Variants in KCP observed in about 807,000 individuals in gnomAD.
The protein encoded by KCP is kielin/chordin-like protein.
Under a neutral mutation model 212.7 loss-of-function variants are expected in KCP, and 194 were observed. That is an observed-to-expected ratio of 0.91 (90% CI 0.81 to 1.03). The LOEUF (loss-of-function observed/expected upper bound fraction) is 1.03. Ranked by LOEUF, KCP falls within the 50% of genes least tolerant of loss-of-function variation. KCP has a pLI of 0.00. For synonymous variants in KCP, 833 were observed against 865.3 expected (o/e 0.96, Z 0.65); for missense variants, 2,080 against 2,162.5 (o/e 0.96, Z 0.76).
intron 1 of KCP, 93 bp from the exon 2 acceptor site, chr7:128,908,661 G>T: frequency 2.9e-6 from 4 of 1,373,288 alleles, no homozygotes; most frequent in Non-Finnish European, 3.9e-6. Flanking sequence ...CAGGGGAAGG[G>T]GGTCATCCTG....
chr7:128,878,540 G>C lies in KCP; in HGVS notation c.4311+18C>G. 6.5e-7 allele frequency: 1 copy of C among 1,546,926 alleles called. No homozygotes were observed. The highest frequency in any genetic ancestry group is 8.7e-7 in the Non-Finnish European group (1 of 1,144,120). ...TGCGTCTCCCCTAATCCCCATCCCC[G>C]GTTCCTGTACCACTCACCTGCCAGC... On this transcript the variant is annotated intron_variant, in intron 38 of 39. Coordinates refer to ENST00000610776, the MANE Select transcript of KCP (RefSeq NM_001366122.1).
intron 29 of KCP, among the ~76,000 whole-genome samples, chr7:128,883,677 C>A (rs1042881870): frequency 6.6e-6 from 1 of 152,164 alleles, no homozygotes; most frequent in African/African-American, 2.4e-5. Flanking sequence ...ACTCTAACAA[C>A]GACAACAAAA....
intron 8 of KCP, among the ~76,000 whole-genome samples, chr7:128,898,199 G>A (rs776768768): frequency 6.6e-6 from 1 of 152,126 alleles, no homozygotes; most frequent in African/African-American, 2.4e-5. Context: ...GGAAGTATAG[G>A]CATGCACCAG....
In KCP at chr7:128,887,226, A is replaced by G; in HGVS notation, c.2587T>C (p.Cys863Arg). The G allele has an allele frequency of 6.4e-7, 1 of 1,551,474 alleles. No individual in the cohort carries two copies. The highest frequency in any genetic ancestry group is 8.7e-7 in the Non-Finnish European group (1 of 1,146,812). The change falls in exon 23 of 40, where the codon TGC becomes CGC. Residue 863 changes from cysteine (C) to arginine (R), a missense_variant. Cys to Arg is a radical substitution (Grantham distance 180). Transcript: ENST00000610776. ...AGGGGCTGCCTCACCTGGCAGGTGC[A>G]GAGGGAGCAGGTAGGGTCAAGTGGG... ...PDPLDPTCSLCTCQEGSMRCQ... is the reference protein window; with the variant it reads ...PDPLDPTCSLRTCQEGSMRCQ...
At chr7:128,904,253 C>A in intron 5 of KCP, 115 bp from the exon 6 acceptor site, 1 of 1,540,786 alleles carries the variant, frequency 6.5e-7, no homozygotes, top group Non-Finnish European at 8.8e-7. Flanking sequence ...GAAGGGATGG[C>A]GGGGCAGGGC....
rs1251840830 is a variant in KCP, at chr7:128,908,542, C to T, written c.103G>A (p.Gly35Arg). 15 of 1,551,300 alleles carry T rather than the reference C, an allele frequency of 9.7e-6. No homozygotes were observed. Among genetic ancestry groups the T allele is most frequent in the Admixed American group, 3.9e-5 (2 of 50,986 alleles). ...GAGGAATGGGCAGTTGTCTGCTGCC[C>T]AGGGGGCTCCCTGGGGACAGCCCCA... is the stretch of plus-strand genomic sequence containing the variant. ...EGGAVPREPP[G>R]QQTTAHSSVL... The change falls in exon 2 of 40, where the codon GGG becomes AGG. Residue 35 changes from glycine (G) to arginine (R), a missense_variant. Coordinates refer to ENST00000610776, the MANE Select transcript of KCP (RefSeq NM_001366122.1).
chr7:128,894,421 A>C, intron 8 of KCP, 128 bp from the exon 9 acceptor site: 1 of 684,666 alleles, frequency 1.5e-6, no homozygotes, highest in Non-Finnish European at 2.4e-6. Context: ...CCGCCCCCAA[A>C]TCCATATGTT....
chr7:128,895,988 T>A (rs11972677), intron 8 of KCP, among the ~76,000 whole-genome samples: 15,434 of 152,184 alleles, frequency 0.1, 2,423 homozygotes, highest in African/African-American at 0.33. Flanking sequence ...TCACCCTGAA[T>A]TTTTTCTTGT....
chr7:128,886,471 G>A lies in KCP; in HGVS notation c.2859C>T (p.Arg953=). 1.3e-6 allele frequency: 2 copies of A among 1,548,890 alleles called. No homozygotes were observed. Among genetic ancestry groups the A allele is most frequent in the Non-Finnish European group, 1.7e-6 (2 of 1,145,734 alleles). The change falls in exon 26 of 40, where the codon CGC becomes CGT. Residue 953 remains arginine (R), a synonymous_variant. Coordinates refer to ENST00000610776, the MANE Select transcript of KCP (RefSeq NM_001366122.1). ...QVTERGSCCP[R]CRGCLAHGEE... ...GGCTACAGGCGGCCATACCTCTGCA[G>A]CGAGGGCAGCAGCTCCCCCGCTCGG...
chr7:128,903,720 C>T lies in KCP; in HGVS notation c.748+7G>A. On this transcript the variant is annotated splice_region_variant and intron_variant, in intron 7 of 39. Transcript: ENST00000610776. ...GGCTCTACCAGGGAGGGGCCAGGGGCTCTCACCTTGGCAGGTTGGGCAGCA... is the reference window on the plus strand; with the variant it reads ...GGCTCTACCAGGGAGGGGCCAGGGGTTCTCACCTTGGCAGGTTGGGCAGCA... 6.5e-7 allele frequency: 1 copy of T among 1,544,586 alleles called. No homozygotes were observed. Among genetic ancestry groups the T allele is most frequent in the Non-Finnish European group, 8.7e-7 (1 of 1,143,288 alleles).
At position 128,908,128 on chromosome 7, in the gene KCP, C is replaced by CAA. The variant is rs11323714; in HGVS notation, c.219+296_219+297dup. ...TGGGTGACACATGGTGACTCCATCT[C>CAA]AAAAAAAAAAAAAAGAAAGAGAGAG... On this transcript the variant is annotated intron_variant, in intron 2 of 39. Coordinates refer to ENST00000610776, the MANE Select transcript of KCP (RefSeq NM_001366122.1). Among the ~76,000 whole-genome samples, 151 of 76,116 alleles carry CAA rather than the reference C, an allele frequency of 2.0e-3. 1 individual carries two copies. Among genetic ancestry groups the CAA allele is most frequent in the Non-Finnish European group, 1.7e-3 (57 of 34,366 alleles). 49.9% of individuals were successfully genotyped at this position (76,116 alleles called of 152,430 possible).
At chr7:128,906,918 C>A (rs935347904) in intron 4 of KCP, among the ~76,000 whole-genome samples, 183 bp downstream of exon 4, 1 of 152,158 alleles carries the variant, frequency 6.6e-6, no homozygotes, top group Non-Finnish European at 1.5e-5. Context: ...CTTGGGGACC[C>A]CCCAGTGTCC....
chr7:128,907,108 C>T lies in KCP; in HGVS notation c.479G>A (p.Arg160His), dbSNP rs1466674495. The T allele has an allele frequency of 7.7e-6, 12 of 1,551,040 alleles. No homozygotes were observed. Among genetic ancestry groups the T allele is most frequent in the Admixed American group, 3.9e-5 (2 of 50,942 alleles). Residue 160 changes from arginine (R) to histidine (H), a missense_variant, in exon 4 of 40, where the codon CGC (arginine) becomes CAC (histidine). Physicochemically the swap from Arg to His is conservative, Grantham distance 29. Transcript: ENST00000610776. The stretch of plus-strand genomic sequence containing the variant: ...TAGGTCCTGGGAGCTTACCAGACAG[C>T]GGCAGGTGGTGCAGGCATCTGGGGA... ...TFSPDACTTCRCLEGTITCNQ... is the reference protein window; with the variant it reads ...TFSPDACTTCHCLEGTITCNQ...
At chr7:128,892,221 T>C (rs1354726685) in intron 16 of KCP, among the ~76,000 whole-genome samples, 1 of 14,296 alleles carries the variant, frequency 7.0e-5, no homozygotes, top group Non-Finnish European at 1.6e-4. Flanking sequence ...TGGGTTTACC[T>C]GGGGGGTAGG....
At chr7:128,907,840 T>A (rs1056707763) in intron 2 of KCP, among the ~76,000 whole-genome samples, 1 of 152,154 alleles carries the variant, frequency 6.6e-6, no homozygotes, top group African/African-American at 2.4e-5. Flanking sequence ...ATGTTAAGAA[T>A]TGTTCTGGCC....
intron 1 of KCP, among the ~76,000 whole-genome samples, chr7:128,910,395 C>G (rs1330909039): frequency 2.0e-5 from 3 of 152,272 alleles, no homozygotes; most frequent in Admixed American, 6.5e-5. Flanking sequence ...AACCGCCCCC[C>G]TCTCCTGAAC....
At chr7:128,881,827 G>T in intron 30 of KCP, 102 bp from the exon 31 acceptor site, 1 of 1,382,440 alleles carries the variant, frequency 7.2e-7, no homozygotes, top group Non-Finnish European at 1.0e-6. Context: ...GTGGGCAAAT[G>T]TCAGGGCGAA....
Position 128,893,873 on chromosome 7 carries a change from C to T in KCP, c.1032G>A (p.Leu344=). Residue 344 remains leucine, a synonymous_variant, in exon 11 of 40, where the codon CTG becomes CTA. Transcript: ENST00000610776. ...GTCTGCAGGGCACTGGCGGGCAGGG[C>T]AGAGGCTCACACTGGACACTCCCAT... ...CANGSVQCEP[L]PCPPVPCRHP... The T allele has an allele frequency of 1.3e-6, 2 of 1,551,240 alleles. No homozygotes were observed. Among genetic ancestry groups the T allele is most frequent in the Admixed American group, 2.0e-5 (1 of 51,000 alleles).
At chr7:128,885,020 C>T (rs904021564) in intron 27 of KCP, 77 bp downstream of exon 27, 15 of 1,534,846 alleles carry the variant, frequency 9.8e-6, no homozygotes, top group Admixed American at 3.9e-5. Context: ...CTCTGCCACC[C>T]GGCCCAGCAG....
Sources: gnomAD v4.1 joint callset for allele counts (sites outside exome capture counted in the v4.1 genomes callset) on GRCh38, gnomAD v4.1.1 for gene constraint, MANE v1.5 for transcripts, NCBI Gene and HGNC (gene_info 2026-07-23, HGNC 2026-07-21) for gene names.